TNRC6B: variants seen among roughly 807,000 people sequenced by gnomAD.
The protein encoded by TNRC6B is trinucleotide repeat containing adaptor 6B.
TNRC6B carries 52 observed loss-of-function variants against 203.6 expected under a neutral mutation model. That is an observed-to-expected ratio of 0.26 (90% CI 0.20 to 0.32). TNRC6B has a LOEUF of 0.32. Among genes scored for constraint, TNRC6B ranks in the 10% least tolerant of loss-of-function variants. The pLI is 1.00. For missense variants in TNRC6B, 1,923 were observed against 2,286.2 expected, an observed-to-expected ratio of 0.84 and a Z score of 3.24; for synonymous variants, 838 against 845.7, an observed-to-expected ratio of 0.99 and a Z score of 0.16.
intron 7 of TNRC6B, among the ~76,000 whole-genome samples, 187 bp downstream of exon 7, chr22:40,273,787 A>T (rs1006733284): frequency 6.6e-6 from 1 of 152,112 alleles, no homozygotes; most frequent in Non-Finnish European, 1.5e-5. Flanking sequence ...CAGCCTTCTT[A>T]GTAGCCGGAA....
intron 1 of TNRC6B, among the ~76,000 whole-genome samples, chr22:40,243,110 C>A (rs896707936): frequency 9.2e-5 from 14 of 152,068 alleles, no homozygotes; most frequent in Non-Finnish European, 4.4e-5. Flanking sequence ...CCCTCGCAAT[C>A]CACCCGTCTC....
chr22:40,132,393 A>T (rs1474366671), intron 3 of TNRC6B, among the ~76,000 whole-genome samples: 1 of 151,556 alleles, frequency 6.6e-6, no homozygotes, highest in Admixed American at 6.6e-5. Flanking sequence ...ACGGGACGGG[A>T]CGGGACGGAG....
rs368445482 is a variant in TNRC6B at position 40,256,341 on chromosome 22, ATTTTG to A, written c.115+5161_115+5165del. On this transcript the variant is annotated intron_variant, in intron 3 of 22. Transcript: ENST00000454349. ...GGGTGCAGACCCTATTGTCACATTG[ATTTTG>A]TTTTGTTTTGTTTTGTTTTTAAGCC... 2.1e-3 allele frequency among the ~76,000 whole-genome samples: 326 copies of A among 152,202 alleles called. 1 individual carries two copies. Among genetic ancestry groups the A allele is most frequent in the African/African-American group, 7.7e-3 (318 of 41,524 alleles).
chr22:40,164,136 C>T (rs1044386267), intron 4 of TNRC6B, among the ~76,000 whole-genome samples: 2 of 151,880 alleles, frequency 1.3e-5, no homozygotes, highest in African/African-American at 2.4e-5. Context: ...CATTGAAGCA[C>T]TTTGGGAGGC....
chr22:40,073,218 A>G (rs940317928), intron 1 of TNRC6B, among the ~76,000 whole-genome samples: 25 of 142,050 alleles, frequency 1.8e-4, no homozygotes, highest in Admixed American at 5.3e-4. Context: ...GGTCATTGGG[A>G]TTCCAGGGTG....
At chr22:40,173,009 T>C (rs756166857), upstream of TNRC6B, among the ~76,000 whole-genome samples, 57 of 152,358 alleles carry the variant, frequency 3.7e-4, no homozygotes, top group South Asian at 2.1e-3. Context: ...TATGATATCC[T>C]CTTTCTCAGC....
chr22:40,290,673 C>G (rs753926612), intron 12 of TNRC6B, among the ~76,000 whole-genome samples: 7 of 152,126 alleles, frequency 4.6e-5, no homozygotes, highest in Non-Finnish European at 8.8e-5. Context: ...TCCCCCACCC[C>G]CCGACCCGCT....
At chr22:40,315,165 T>A (rs2071240715) in intron 19 of TNRC6B, 118 bp from the exon 20 acceptor site, 1 of 788,562 alleles carries the variant, frequency 1.3e-6, no homozygotes, top group Non-Finnish European at 2.1e-6. Context: ...TGTGTACTAT[T>A]ACTTTTTAGA....
intron 1 of TNRC6B, among the ~76,000 whole-genome samples, chr22:40,055,789 G>T (rs1236566795): frequency 1.3e-5 from 2 of 152,184 alleles, no homozygotes; most frequent in Admixed American, 1.3e-4. Context: ...CCTGAGGTGA[G>T]TGCTGATACC....
chr22:40,199,935 G>A (rs958696402), intron 1 of TNRC6B, among the ~76,000 whole-genome samples: 6 of 151,968 alleles, frequency 3.9e-5, no homozygotes, highest in African/African-American at 1.4e-4. Context: ...TACTAGCTGG[G>A]ATTAAGGCAT....
At chr22:40,111,884 C>T (rs946663128) in intron 1 of TNRC6B, among the ~76,000 whole-genome samples, 5 of 152,104 alleles carry the variant, frequency 3.3e-5, no homozygotes, top group East Asian at 3.9e-4. Flanking sequence ...GGGTGGATCA[C>T]GAGGTCAGGA....
chr22:40,125,659 A>AGTT, intron 2 of TNRC6B: 1 of 638,120 alleles, frequency 1.6e-6, no homozygotes. Context: ...AGTTACTCAA[A>AGTT]GTTACTTCAC....
intron 3 of TNRC6B, among the ~76,000 whole-genome samples, chr22:40,251,733 G>A (rs1315510757): frequency 1.3e-5 from 2 of 151,086 alleles, no homozygotes; most frequent in African/African-American, 4.9e-5. Context: ...AAAAAAAAAA[G>A]TATATGGGTC....
chr22:40,244,154 T>C (rs930385717), intron 1 of TNRC6B, among the ~76,000 whole-genome samples: 2 of 152,192 alleles, frequency 1.3e-5, no homozygotes, highest in Non-Finnish European at 2.9e-5. Flanking sequence ...ACAGGATCTG[T>C]GGCCAGCCTG....
chr22:40,051,466 A>G (rs2067743734), intron 1 of TNRC6B, among the ~76,000 whole-genome samples: 1 of 152,190 alleles, frequency 6.6e-6, no homozygotes, highest in Non-Finnish European at 1.5e-5. Flanking sequence ...TATACTTTCC[A>G]GCTGAGCCTA....
chr22:40,164,516 A>G (rs1272052419), intron 4 of TNRC6B, among the ~76,000 whole-genome samples: 1 of 150,606 alleles, frequency 6.6e-6, no homozygotes, highest in Non-Finnish European at 1.5e-5. Flanking sequence ...ATAATCCAGC[A>G]TATTGGGAGG....
intron 1 of TNRC6B, among the ~76,000 whole-genome samples, chr22:40,104,280 A>C (rs1418637112): frequency 6.6e-6 from 1 of 152,088 alleles, no homozygotes; most frequent in Non-Finnish European, 1.5e-5. Flanking sequence ...TTTCATAGTC[A>C]TTATCATTTG....
At position 40,331,311 on chromosome 22, in the gene TNRC6B, A is replaced by G. The variant is rs745828162; in HGVS notation, c.*8070A>G. 7.6e-5 allele frequency: 13 copies of G among 172,176 alleles called. No individual in the cohort carries two copies. Among genetic ancestry groups the G allele is most frequent in the Non-Finnish European group, 1.2e-4 (10 of 81,290 alleles). The allele number at this position is 172,176 out of a possible 1,614,324, so 10.7% of individuals were successfully genotyped here. A position where few individuals can be genotyped will look rare whatever the true frequency, so the allele number is the denominator to read the frequency against. ...GAGAAAGAAAAGAGAAAAATCTGAA[A>G]TCATATTTTATTTCTTCAGAGCTAT... On this transcript the variant is annotated 3_prime_UTR_variant, in exon 23 of 23. Transcript: ENST00000454349.
chr22:40,108,972 C>T (rs2068310307), intron 1 of TNRC6B, among the ~76,000 whole-genome samples: 2 of 147,322 alleles, frequency 1.4e-5, no homozygotes, highest in East Asian at 4.3e-4. Context: ...TGTGTTGCTC[C>T]CCTCCCTGTG....
Sources: allele counts gnomAD v4.1 joint callset (sites outside exome capture counted in the v4.1 genomes callset), GRCh38; gene constraint gnomAD v4.1.1; transcripts MANE v1.5; gene names NCBI Gene and HGNC (gene_info 2026-07-23, HGNC 2026-07-21).